KCNH8: variants seen among roughly 807,000 people sequenced by gnomAD.
KCNH8 encodes voltage-gated delayed rectifier potassium channel KCNH8.
Under a neutral mutation model 103.6 loss-of-function variants are expected in KCNH8, and 70 were observed. The ratio of observed to expected loss-of-function variants is 0.68; its 90% CI spans 0.56 to 0.82. The LOEUF is 0.82. Ranked by LOEUF, KCNH8 falls within the 40% of genes least tolerant of loss-of-function variation. The pLI is 0.00. For missense variants in KCNH8, 1,217 were observed against 1,329.9 expected, an observed-to-expected ratio of 0.92 and a Z score of 1.32; for synonymous variants, 498 against 489.4, an observed-to-expected ratio of 1.02 and a Z score of -0.23.
intron 11 of KCNH8, among the ~76,000 whole-genome samples, chr3:19,477,180 C>T (rs1310772878): frequency 6.6e-6 from 1 of 152,054 alleles, no homozygotes; most frequent in Non-Finnish European, 1.5e-5. Context: ...AGACATTGTA[C>T]ATATTTATTG....
intron 5 of KCNH8, among the ~76,000 whole-genome samples, chr3:19,376,214 A>T (rs922017540): frequency 6.6e-6 from 1 of 152,146 alleles, no homozygotes; most frequent in South Asian, 2.1e-4. Flanking sequence ...GCCGCCTTGC[A>T]GTTTGATCTC....
chr3:19,505,355 G>C (rs1392848150), intron 11 of KCNH8, among the ~76,000 whole-genome samples: 1 of 152,038 alleles, frequency 6.6e-6, no homozygotes, highest in African/African-American at 2.4e-5. Flanking sequence ...ATAGGTACTA[G>C]GCTTAGTACA....
chr3:19,308,874 C>T (rs2065174938), intron 3 of KCNH8, among the ~76,000 whole-genome samples: 1 of 149,254 alleles, frequency 6.7e-6, no homozygotes, highest in Non-Finnish European at 1.5e-5. Flanking sequence ...TTTTCATTAC[C>T]ATGAAAACTG....
In KCNH8 at chr3:19,308,711, T is replaced by C. The variant is rs867813000; in HGVS notation, c.442+27382T>C. On this transcript the variant is annotated intron_variant, in intron 3 of 15. Transcript: ENST00000328405. ...CTCTCTCTCTCTCTCTCTCTCTCTC[T>C]CTCTCTCCCCCTCTCTCCCTCTCTC... 1.4e-3 allele frequency among the ~76,000 whole-genome samples: 68 copies of C among 47,390 alleles called. 4 individuals are homozygous for C. Among genetic ancestry groups the C allele is most frequent in the African/African-American group, 7.2e-3 (48 of 6,630 alleles). The allele number at this position is 47,390 out of a possible 152,430, so 31.1% of individuals were successfully genotyped here.
intron 1 of KCNH8, among the ~76,000 whole-genome samples, chr3:19,190,657 G>A (rs556219066): frequency 1.3e-5 from 2 of 151,914 alleles, no homozygotes; most frequent in Non-Finnish European, 1.5e-5. Context: ...ATTTAATGTG[G>A]AAGAAAGTAG....
intron 8 of KCNH8, among the ~76,000 whole-genome samples, chr3:19,447,373 C>T (rs2067378135): frequency 6.6e-6 from 1 of 152,022 alleles, no homozygotes; most frequent in African/African-American, 2.4e-5. Flanking sequence ...ATGAATGCTA[C>T]AATTAATCCA....
chr3:19,508,108 G>C (rs372699018), intron 11 of KCNH8, among the ~76,000 whole-genome samples: 3 of 152,182 alleles, frequency 2.0e-5, no homozygotes, highest in Non-Finnish European at 4.4e-5. Context: ...TGATCATGCT[G>C]TATGAACTTT....
intron 3 of KCNH8, among the ~76,000 whole-genome samples, chr3:19,331,822 A>G (rs2065514439): frequency 6.6e-6 from 1 of 152,174 alleles, no homozygotes; most frequent in African/African-American, 2.4e-5. Flanking sequence ...TTGTGCTATC[A>G]AATACTGGCT....
Position 19,460,672 on chromosome 3 carries a change from G to C in KCNH8, c.2040+3690G>C, listed in dbSNP as rs1211467429. On this transcript the variant is annotated intron_variant, in intron 11 of 15. Coordinates refer to ENST00000328405, the MANE Select transcript of KCNH8 (RefSeq NM_144633.3). ...ATCACGTCCTTCAAGTCTTAAAGTT[G>C]ATTTCTCTCAAATTCCTTCAAGAAG... Among the ~76,000 whole-genome samples, 4 of 152,106 alleles carry C rather than the reference G, an allele frequency of 2.6e-5. 1 individual carries two copies. Among genetic ancestry groups the C allele is most frequent in the South Asian group, 4.1e-4 (2 of 4,828 alleles).
intron 7 of KCNH8, among the ~76,000 whole-genome samples, chr3:19,408,149 T>C (rs1200531397): frequency 2.6e-5 from 4 of 152,074 alleles, no homozygotes; most frequent in Non-Finnish European, 2.9e-5. Context: ...AACCAAATCT[T>C]ACCTATAAGT....
intron 8 of KCNH8, among the ~76,000 whole-genome samples, chr3:19,442,866 C>T (rs1045106276): frequency 2.0e-5 from 3 of 152,042 alleles, no homozygotes; most frequent in African/African-American, 7.2e-5. Flanking sequence ...AGAGCTCACA[C>T]TATTGAGCAC....
chr3:19,458,554 G>A (rs1018536153), intron 11 of KCNH8, among the ~76,000 whole-genome samples: 4 of 151,790 alleles, frequency 2.6e-5, no homozygotes, highest in African/African-American at 9.7e-5. Flanking sequence ...GCTAAATCAC[G>A]CTAATTAATG....
At chr3:19,353,266 C>T (rs538554440) in intron 5 of KCNH8, among the ~76,000 whole-genome samples, 1 of 152,036 alleles carries the variant, frequency 6.6e-6, no homozygotes, top group Admixed American at 6.6e-5. Flanking sequence ...AAAAAAAGTC[C>T]AGGACAGATG....
chr3:19,302,093 A>G (rs1173091578), intron 3 of KCNH8, among the ~76,000 whole-genome samples: 1 of 152,142 alleles, frequency 6.6e-6, no homozygotes, highest in African/African-American at 2.4e-5. Flanking sequence ...TTAAAACATC[A>G]GCCATTGGTG....
At chr3:19,384,893 A>G (rs1029682375) in intron 5 of KCNH8, among the ~76,000 whole-genome samples, 2 of 152,188 alleles carry the variant, frequency 1.3e-5, no homozygotes, top group Non-Finnish European at 2.9e-5. Flanking sequence ...TGTAAAATGA[A>G]TAAAAGCTCA....
chr3:19,328,572 A>G (rs866711928), intron 3 of KCNH8, among the ~76,000 whole-genome samples: 1 of 152,172 alleles, frequency 6.6e-6, no homozygotes, highest in Non-Finnish European at 1.5e-5. Flanking sequence ...CATTTTTTCT[A>G]TGAAAGATTC....
rs1017041722 is a variant in KCNH8 at position 19,535,315 on chromosome 3, TC to T, written c.*1219del. On this transcript the variant is annotated 3_prime_UTR_variant, in exon 16 of 16. Coordinates refer to ENST00000328405, the MANE Select transcript of KCNH8 (RefSeq NM_144633.3). ...GCACTTTACCTTTTTTCTTTAAGGC[TC>T]CCAACAATGCTATACAGCGCAGTTG... 1 of 152,178 alleles carries T rather than the reference TC, an allele frequency of 6.6e-6. No individual in the cohort carries two copies. Among genetic ancestry groups the T allele is most frequent in the African/African-American group, 2.4e-5 (1 of 41,438 alleles). 9.4% of individuals were successfully genotyped at this position (152,178 alleles called of 1,614,324 possible).
intron 2 of KCNH8, among the ~76,000 whole-genome samples, chr3:19,275,319 T>A (rs556213770): frequency 2.5e-4 from 38 of 152,034 alleles, no homozygotes; most frequent in African/African-American, 8.7e-4. Context: ...TCATTAAACA[T>A]TGAAATGAAG....
At chr3:19,327,184 C>G (rs1258900746) in intron 3 of KCNH8, among the ~76,000 whole-genome samples, 1 of 152,174 alleles carries the variant, frequency 6.6e-6, no homozygotes, top group Non-Finnish European at 1.5e-5. Context: ...AAGAAAGTCA[C>G]AGGACCAGCT....
Sources: gnomAD v4.1 joint callset for allele counts (sites outside exome capture counted in the v4.1 genomes callset) on GRCh38, gnomAD v4.1.1 for gene constraint, MANE v1.5 for transcripts, NCBI Gene and HGNC (gene_info 2026-07-23, HGNC 2026-07-21) for gene names.